Variants in TBC1D2 observed in about 807,000 individuals in gnomAD.
The protein encoded by TBC1D2 is TBC1 domain family member 2A.
Under a neutral mutation model 91.1 loss-of-function variants are expected in TBC1D2, and 58 were observed. The ratio of observed to expected loss-of-function variants is 0.64; its 90% CI spans 0.52 to 0.79. The LOEUF is 0.79. TBC1D2 is among the 30% of genes least tolerant of loss of function. TBC1D2 has a pLI of 0.00. For missense variants in TBC1D2, 1,080 were observed against 1,208.3 expected (o/e 0.89, Z 1.57); for synonymous variants, 482 against 511.5 (o/e 0.94, Z 0.78).
Position 98,199,417 on chromosome 9 carries a change from G to C in TBC1D2, c.2751C>G (p.Gly917=), listed in dbSNP as rs1828421058. The C allele has an allele frequency of 1.2e-6, 2 of 1,613,780 alleles. No individual in the cohort carries two copies. Among genetic ancestry groups the C allele is most frequent in the Non-Finnish European group, 1.7e-6 (2 of 1,180,006 alleles). ...RASRRRAVSE[G]CASEDEVEGE... ...CCTCCACCTCGTCCTCGCTGGCACA[G>C]CCCTCGGACACAGCTCTGCGCCGGG... Residue 917 remains glycine (G), a synonymous_variant, in exon 13 of 13, where the codon GGC becomes GGG. Coordinates refer to ENST00000465784, the MANE Select transcript of TBC1D2 (RefSeq NM_001267571.2).
chr9:98,221,261 C>A, intron 5 of TBC1D2, 33 bp from the exon 6 acceptor site: 1 of 1,500,908 alleles, frequency 6.7e-7, no homozygotes, highest in Non-Finnish European at 8.9e-7. Flanking sequence ...CTTGTGAGCT[C>A]AGGGAGGGCC....
intron 1 of TBC1D2, among the ~76,000 whole-genome samples, chr9:98,254,318 G>T (rs974321663): frequency 3.3e-5 from 5 of 152,178 alleles, no homozygotes; most frequent in African/African-American, 1.2e-4. Flanking sequence ...CCATCACCTT[G>T]TGTGTGCATG....
At chr9:98,226,793 CT>C (rs1247267551) in intron 5 of TBC1D2, among the ~76,000 whole-genome samples, 1 of 152,240 alleles carries the variant, frequency 6.6e-6, no homozygotes, top group Non-Finnish European at 1.5e-5. Context: ...GCATCAACAA[CT>C]TCCTCCTGAC....
chr9:98,252,048 G>A (rs1412358021), intron 1 of TBC1D2, 122 bp from the exon 2 acceptor site: 9 of 1,276,222 alleles, frequency 7.1e-6, no homozygotes, highest in African/African-American at 3.1e-5. Flanking sequence ...AAAAAAGGGG[G>A]TCACTGTAGG....
chr9:98,200,098 C>T (rs1828445531), intron 12 of TBC1D2, among the ~76,000 whole-genome samples, 155 bp downstream of exon 12: 1 of 152,176 alleles, frequency 6.6e-6, no homozygotes, highest in African/African-American at 2.4e-5. Context: ...AGACATATCA[C>T]TCAGACAGTC....
chr9:98,235,323 T>C (rs1040781634), intron 3 of TBC1D2: 4 of 412,930 alleles, frequency 9.7e-6, no homozygotes, highest in African/African-American at 8.3e-5. Flanking sequence ...CGTGAGAAGA[T>C]AGAGGCCTTG....
intron 3 of TBC1D2, among the ~76,000 whole-genome samples, chr9:98,237,667 C>T (rs1170394920): frequency 3.3e-5 from 5 of 151,150 alleles, no homozygotes; most frequent in South Asian, 2.1e-4. Context: ...CCACCATGCC[C>T]GGCTAATTTT....
chr9:98,241,073 C>A (rs1243649657), intron 3 of TBC1D2, among the ~76,000 whole-genome samples: 1 of 152,154 alleles, frequency 6.6e-6, no homozygotes, highest in Non-Finnish European at 1.5e-5. Context: ...CTGGATGGAC[C>A]CTTCCATGGC....
intron 2 of TBC1D2, among the ~76,000 whole-genome samples, chr9:98,245,138 G>A (rs950448056): frequency 1.8e-4 from 27 of 152,186 alleles, no homozygotes; most frequent in African/African-American, 6.3e-4. Context: ...TACTTGGGAG[G>A]CTGAGGCAGG....
intron 8 of TBC1D2, among the ~76,000 whole-genome samples, chr9:98,209,550 G>A (rs979837592): frequency 5.9e-5 from 9 of 152,266 alleles, no homozygotes; most frequent in African/African-American, 4.8e-5. Flanking sequence ...AGGGGTGGAC[G>A]GGGAACAGAC....
chr9:98,230,423 C>T (rs1829338815), intron 4 of TBC1D2, among the ~76,000 whole-genome samples: 1 of 152,150 alleles, frequency 6.6e-6, no homozygotes, highest in Admixed American at 6.5e-5. Flanking sequence ...CAGGAGTATG[C>T]ATTTTAGTAA....
chr9:98,201,869 A>T (rs1384920308), intron 10 of TBC1D2, among the ~76,000 whole-genome samples: 1 of 152,134 alleles, frequency 6.6e-6, no homozygotes, highest in Non-Finnish European at 1.5e-5. Flanking sequence ...GCTGCTCCTA[A>T]TATAGGCCAG....
intron 2 of TBC1D2, among the ~76,000 whole-genome samples, chr9:98,245,605 T>C (rs1342293373): frequency 1.3e-5 from 2 of 152,140 alleles, no homozygotes; most frequent in Non-Finnish European, 2.9e-5. Flanking sequence ...GTAATCTCAA[T>C]TGTACAGAAA....
chr9:98,226,162 G>C (rs1829228793), intron 5 of TBC1D2, among the ~76,000 whole-genome samples: 1 of 152,344 alleles, frequency 6.6e-6, no homozygotes, highest in East Asian at 1.9e-4. Flanking sequence ...TTTGGTTTCA[G>C]TATCTGGGCT....
At chr9:98,206,343 C>A (rs1248602894) in intron 9 of TBC1D2, among the ~76,000 whole-genome samples, 2 of 152,210 alleles carry the variant, frequency 1.3e-5, no homozygotes, top group African/African-American at 2.4e-5. Context: ...AGTAAAAATG[C>A]TATTCAGAGA....
chr9:98,199,177 A>C lies in TBC1D2; in HGVS notation c.*204T>G, dbSNP rs1320566256. The stretch of plus-strand genomic sequence containing the variant: ...AAAGGGTGGCATCCCTGGGTAAGTA[A>C]GTGCCTATGAAGAAGTAGCCCAACC... On this transcript the variant is annotated 3_prime_UTR_variant, in exon 13 of 13. Coordinates refer to ENST00000465784, the MANE Select transcript of TBC1D2 (RefSeq NM_001267571.2). The C allele has an allele frequency of 3.2e-6, 2 of 627,638 alleles. No individual in the cohort carries two copies. The allele number at this position is 627,638 out of a possible 1,614,324, so 38.9% of individuals were successfully genotyped here. A position where few individuals can be genotyped will look rare whatever the true frequency, so the allele number is the denominator to read the frequency against.
At chr9:98,237,846 A>G (rs909104482) in intron 3 of TBC1D2, among the ~76,000 whole-genome samples, 3 of 151,390 alleles carry the variant, frequency 2.0e-5, no homozygotes, top group Non-Finnish European at 4.4e-5. Flanking sequence ...CTGTAGATCA[A>G]TTTGGGAAGT....
chr9:98,208,813 G>A lies in TBC1D2; in HGVS notation c.2005C>T (p.Gln669Ter). 6.2e-7 allele frequency: 1 copy of A among 1,603,692 alleles called. No individual in the cohort carries two copies. Among genetic ancestry groups the A allele is most frequent in the Non-Finnish European group, 8.5e-7 (1 of 1,172,234 alleles). Residue 669 changes from glutamine to a stop codon, truncating the protein, a stop_gained, in exon 9 of 13, where the codon CAG becomes TAG. Transcript: ENST00000465784. LOFTEE classifies it high-confidence loss of function. Reference protein sequence around the residue: ...GQAREHPAARQIELDLNRTFP... With the variant: ...GQAREHPAAR ...GTCCGGTTCAGGTCCAGCTCAATCT[G>A]GCGGGCAGCAGGGTGCTCGCGGGCC... is the stretch of plus-strand genomic sequence containing the variant.
At chr9:98,214,250 T>A (rs1588038508) in intron 6 of TBC1D2, among the ~76,000 whole-genome samples, 1 of 134,152 alleles carries the variant, frequency 7.5e-6, no homozygotes, top group Non-Finnish European at 1.6e-5. Flanking sequence ...GCAGCAAGGA[T>A]GACTCCGACG....
Sources: allele counts gnomAD v4.1 joint callset (sites outside exome capture counted in the v4.1 genomes callset), GRCh38; gene constraint gnomAD v4.1.1; transcripts MANE v1.5; gene names NCBI Gene and HGNC (gene_info 2026-07-23, HGNC 2026-07-21).